The following RTTN variants were observed in gnomAD, a reference collection of about 807,000 sequenced individuals.
RTTN encodes the protein rotatin.
In RTTN, 182 loss-of-function variants were observed where a neutral mutation model predicts 269.2. That is an observed-to-expected ratio of 0.68 (90% CI 0.60 to 0.76). The LOEUF (loss-of-function observed/expected upper bound fraction) is 0.76, where lower values mean the gene tolerates loss of function less well. Ranked by LOEUF, RTTN falls within the 30% of genes least tolerant of loss-of-function variation. RTTN has a pLI of 0.00. For synonymous variants in RTTN, 1,006 were observed against 963.5 expected, an observed-to-expected ratio of 1.04 and a Z score of -0.82; for missense variants, 2,545 against 2,608.6, an observed-to-expected ratio of 0.98 and a Z score of 0.53.
Position 70,088,759 on chromosome 18 carries a change from A to T in RTTN, c.4144-612T>A, listed in dbSNP as rs560827939. On this transcript the variant is annotated intron_variant, in intron 30 of 48. Coordinates refer to ENST00000640769, the MANE Select transcript of RTTN (RefSeq NM_173630.4). ...TTCAATGACAGCTATAGAATTTTTT[A>T]AAAATGCAGTCATAAAATTGTCAAG... Among the ~76,000 whole-genome samples, 50 of 152,304 alleles carry T rather than the reference A, an allele frequency of 3.3e-4. 2 individuals are homozygous for T. The highest frequency in any genetic ancestry group is 2.3e-3 in the South Asian group (11 of 4,822).
At chr18:70,175,287 G>C (rs1275888630) in intron 11 of RTTN, among the ~76,000 whole-genome samples, 2 of 151,866 alleles carry the variant, frequency 1.3e-5, no homozygotes, top group African/African-American at 2.4e-5. Context: ...AAAAAGAAAA[G>C]TACTAGAATA....
chr18:70,028,888 C>G, intron 42 of RTTN, 87 bp from the exon 43 acceptor site: 3 of 855,552 alleles, frequency 3.5e-6, no homozygotes, highest in Non-Finnish European at 5.7e-6. Flanking sequence ...CTTTGGGTCA[C>G]GGGACAATGC....
chr18:70,051,666 C>G (rs753914781), intron 38 of RTTN, 118 bp from the exon 39 acceptor site: 503 of 611,238 alleles, frequency 8.2e-4, no homozygotes, highest in Middle Eastern at 5.1e-3. Context: ...GTGCACTTAT[C>G]AAATGAAGAC....
At chr18:70,107,007 C>G (rs1028639167) in intron 28 of RTTN, among the ~76,000 whole-genome samples, 1 of 152,192 alleles carries the variant, frequency 6.6e-6, no homozygotes, top group Non-Finnish European at 1.5e-5. Flanking sequence ...TGGATTCAGA[C>G]AGTTTATTAC....
chr18:70,054,499 CA>C (rs1568306115), intron 37 of RTTN, among the ~76,000 whole-genome samples: 1 of 152,150 alleles, frequency 6.6e-6, no homozygotes, highest in African/African-American at 2.4e-5. Flanking sequence ...CCAAACAAAG[CA>C]ATGTTTTCAA....
chr18:70,196,162 C>T (rs2061800387), intron 7 of RTTN, among the ~76,000 whole-genome samples: 1 of 152,116 alleles, frequency 6.6e-6, no homozygotes, highest in African/African-American at 2.4e-5. Context: ...CTATATGTAA[C>T]TTGCTAAATT....
intron 9 of RTTN, among the ~76,000 whole-genome samples, chr18:70,189,149 T>G (rs2061613486): frequency 6.6e-6 from 1 of 152,234 alleles, no homozygotes; most frequent in Non-Finnish European, 1.5e-5. Flanking sequence ...ACTGTTCTTC[T>G]CAGCTTACCA....
In RTTN at chr18:70,164,940, C is replaced by A. The variant is rs553838549; in HGVS notation, c.1929+1122G>T. On this transcript the variant is annotated intron_variant, in intron 14 of 48. Transcript: ENST00000640769. ...ACTAGAGAAAAAAATTAAAAGAAAT[C>A]ATAATTAACTGATATCAGACTTCTC... Among the ~76,000 whole-genome samples, 3 of 152,206 alleles carry A rather than the reference C, an allele frequency of 2.0e-5. No homozygotes were observed. In the East Asian group the frequency reaches 5.8e-4, roughly 29 times the overall value.
chr18:70,078,751 T>C (rs1458577036), intron 32 of RTTN, among the ~76,000 whole-genome samples: 5 of 151,974 alleles, frequency 3.3e-5, no homozygotes, highest in Non-Finnish European at 7.4e-5. Context: ...ACAGATAAAA[T>C]TGAGACTGCA....
intron 11 of RTTN, among the ~76,000 whole-genome samples, chr18:70,170,941 C>T (rs1247867042): frequency 2.0e-5 from 3 of 152,006 alleles, no homozygotes; most frequent in Non-Finnish European, 4.4e-5. Flanking sequence ...GCCTGATCAA[C>T]GATCAACTTG....
At chr18:70,086,749 CT>C in intron 31 of RTTN, 65 bp from the exon 32 acceptor site, 1 of 1,354,906 alleles carries the variant, frequency 7.4e-7, no homozygotes, top group African/African-American at 1.7e-5. Context: ...ATACTGCCAT[CT>C]TGTGGTCATC....
intron 20 of RTTN, 98 bp downstream of exon 20, chr18:70,140,002 A>G: frequency 1.2e-6 from 1 of 826,446 alleles, no homozygotes; most frequent in Non-Finnish European, 2.0e-6. Context: ...CTTAGAATTT[A>G]AAATCCAAGT....
At chr18:70,182,513 A>C (rs1186685384) in intron 10 of RTTN, among the ~76,000 whole-genome samples, 1 of 152,124 alleles carries the variant, frequency 6.6e-6, no homozygotes, top group Non-Finnish European at 1.5e-5. Context: ...GGGAGAGGGG[A>C]AGGAAGAAAG....
intron 12 of RTTN, among the ~76,000 whole-genome samples, chr18:70,168,637 G>A (rs2061054530): frequency 6.6e-6 from 1 of 151,966 alleles, no homozygotes; most frequent in African/African-American, 2.4e-5. Context: ...CTGATGTTAG[G>A]AATATACACC....
intron 38 of RTTN, among the ~76,000 whole-genome samples, chr18:70,052,149 G>A (rs2144815983): frequency 6.6e-6 from 1 of 152,294 alleles, no homozygotes; most frequent in South Asian, 2.1e-4. Flanking sequence ...CAGGTAAATG[G>A]AAGCTGGAGA....
intron 28 of RTTN, among the ~76,000 whole-genome samples, chr18:70,108,826 A>G (rs2059388903): frequency 6.6e-6 from 1 of 150,732 alleles, no homozygotes; most frequent in South Asian, 2.1e-4. Flanking sequence ...GCAAAACAGG[A>G]CAAAAGAAAA....
intron 32 of RTTN, among the ~76,000 whole-genome samples, chr18:70,084,721 A>G (rs2058658611): frequency 6.6e-6 from 1 of 152,100 alleles, no homozygotes; most frequent in Non-Finnish European, 1.5e-5. Context: ...TAAGACTAGC[A>G]AAAGTTGTAA....
chr18:70,195,409 T>C (rs1425402389), intron 7 of RTTN, among the ~76,000 whole-genome samples: 1 of 152,198 alleles, frequency 6.6e-6, no homozygotes, highest in Non-Finnish European at 1.5e-5. Flanking sequence ...TCAAGCAAAC[T>C]TGATTGTTTA....
At chr18:70,005,853 G>A (rs1286234222) in intron 47 of RTTN, 1 of 154,128 alleles carries the variant, frequency 6.5e-6, no homozygotes, top group Non-Finnish European at 1.4e-5. Context: ...TTAATCACTA[G>A]ATACTTATGG....
Sources: allele counts gnomAD v4.1 joint callset (sites outside exome capture counted in the v4.1 genomes callset), GRCh38; gene constraint gnomAD v4.1.1; transcripts MANE v1.5; gene names NCBI Gene and HGNC (gene_info 2026-07-23, HGNC 2026-07-21).